The following RPH3A variants were observed in gnomAD, a reference collection of about 807,000 sequenced individuals.
RPH3A encodes rabphilin 3A.
A neutral mutation model predicts 102.2 loss-of-function variants in RPH3A; 48 were observed. The ratio of observed to expected loss-of-function variants is 0.47; its 90% CI spans 0.37 to 0.60. RPH3A has a LOEUF of 0.60. Among genes scored for constraint, RPH3A ranks in the 20% least tolerant of loss-of-function variants. RPH3A has a pLI of 0.00. For synonymous variants in RPH3A, 310 were observed against 324.3 expected, an observed-to-expected ratio of 0.96 and a Z score of 0.47; for missense variants, 781 against 910.1, an observed-to-expected ratio of 0.86 and a Z score of 1.83.
At chr12:112,693,085 A>G (rs998236003) in intron 1 of RPH3A, among the ~76,000 whole-genome samples, 1 of 152,238 alleles carries the variant, frequency 6.6e-6, no homozygotes, top group Admixed American at 6.5e-5. Flanking sequence ...CTCATTCAGA[A>G]AAAATAGAGC....
At chr12:112,612,150 C>T (rs1007318205) in intron 1 of RPH3A, among the ~76,000 whole-genome samples, 1 of 152,186 alleles carries the variant, frequency 6.6e-6, no homozygotes, top group African/African-American at 2.4e-5. Flanking sequence ...AACTCAGCCC[C>T]GCCTGTCAAA....
chr12:112,633,956 T>C (rs1390081091), intron 1 of RPH3A, among the ~76,000 whole-genome samples: 1 of 152,202 alleles, frequency 6.6e-6, no homozygotes, highest in African/African-American at 2.4e-5. Context: ...TGAGATGGCT[T>C]TCAAGTTCTA....
At chr12:112,875,046 T>TGA (rs1362448720) in intron 10 of RPH3A, 38 bp from the exon 11 acceptor site, 2 of 1,524,782 alleles carry the variant, frequency 1.3e-6, no homozygotes, top group Non-Finnish European at 1.8e-6. Flanking sequence ...TGTGTGTGTG[T>TGA]GACACATAAT....
At chr12:112,713,029 T>G (rs35477920) in intron 1 of RPH3A, among the ~76,000 whole-genome samples, 4 of 69,164 alleles carry the variant, frequency 5.8e-5, no homozygotes, top group Middle Eastern at 5.6e-3. Context: ...CTTCCTCTTC[T>G]TCTTCTTCTT....
intron 1 of RPH3A, among the ~76,000 whole-genome samples, chr12:112,662,245 C>T (rs777473351): frequency 1.1e-4 from 17 of 152,264 alleles, no homozygotes; most frequent in Admixed American, 7.9e-4. Flanking sequence ...GTTTCCCTGG[C>T]GTGTCTCCCA....
At chr12:112,881,080 A>G (rs1324167603) in intron 14 of RPH3A, among the ~76,000 whole-genome samples, 1 of 152,164 alleles carries the variant, frequency 6.6e-6, no homozygotes, top group Non-Finnish European at 1.5e-5. Flanking sequence ...CCAATTGTGC[A>G]TGGTATAAGT....
At chr12:112,766,773 G>A (rs1410675028) in intron 1 of RPH3A, among the ~76,000 whole-genome samples, 1 of 152,148 alleles carries the variant, frequency 6.6e-6, no homozygotes. Flanking sequence ...GGGATCCAAG[G>A]GGATGAGTCT....
chr12:112,759,650 C>T (rs1441483054), intron 1 of RPH3A, among the ~76,000 whole-genome samples: 2 of 152,176 alleles, frequency 1.3e-5, no homozygotes, highest in Non-Finnish European at 2.9e-5. Context: ...TGGTCCCTAA[C>T]TCCAAAAGGT....
chr12:112,830,088 T>C (rs1227744708), intron 3 of RPH3A, among the ~76,000 whole-genome samples: 5 of 152,196 alleles, frequency 3.3e-5, no homozygotes, highest in Admixed American at 3.3e-4. Context: ...CTTAAGTGTA[T>C]TCTATAACTT....
In RPH3A at chr12:112,595,456, A is replaced by G. The variant is rs146298157; in HGVS notation, c.-140+20137A>G. Reference sequence around the variant, plus strand: ...GCAAAATATTTCCCTTAGCTGAGATACTCCATTTTTGAATGTTTGACTACT... The same window carrying G: ...GCAAAATATTTCCCTTAGCTGAGATGCTCCATTTTTGAATGTTTGACTACT... On this transcript the variant is annotated intron_variant, in intron 1 of 21. Transcript: ENST00000543106. 2.4e-4 allele frequency among the ~76,000 whole-genome samples: 36 copies of G among 152,108 alleles called. 1 individual carries two copies. The East Asian group carries it at 7.0e-3, about 29-fold the overall frequency.
chr12:112,609,173 T>C (rs1441946629), intron 1 of RPH3A, among the ~76,000 whole-genome samples: 1 of 152,176 alleles, frequency 6.6e-6, no homozygotes, highest in Non-Finnish European at 1.5e-5. Context: ...AGGGTTATCC[T>C]TGACTTATAC....
At chr12:112,756,298 C>T (rs149056516) in intron 1 of RPH3A, among the ~76,000 whole-genome samples, 102 of 152,176 alleles carry the variant, frequency 6.7e-4, no homozygotes, top group Non-Finnish European at 1.2e-3. Context: ...CCACAACCTC[C>T]GCCTCCCTGG....
chr12:112,785,819 G>A (rs1175221979), intron 1 of RPH3A, among the ~76,000 whole-genome samples: 1 of 152,166 alleles, frequency 6.6e-6, no homozygotes, highest in Non-Finnish European at 1.5e-5. Context: ...TCATTATGCC[G>A]TCTCTGCTGT....
At chr12:112,804,605 A>G (rs2136109418) in intron 2 of RPH3A, among the ~76,000 whole-genome samples, 1 of 152,284 alleles carries the variant, frequency 6.6e-6, no homozygotes, top group Non-Finnish European at 1.5e-5. Flanking sequence ...AACAGTTAGG[A>G]CTTCAGCACA....
chr12:112,714,655 A>G (rs2040502209), intron 1 of RPH3A, among the ~76,000 whole-genome samples: 1 of 152,184 alleles, frequency 6.6e-6, no homozygotes, highest in Non-Finnish European at 1.5e-5. Context: ...CCTGGGCAGT[A>G]AAGAGAGCCT....
chr12:112,739,268 CT>C (rs2040691050), intron 1 of RPH3A, among the ~76,000 whole-genome samples: 1 of 152,172 alleles, frequency 6.6e-6, no homozygotes, highest in South Asian at 2.1e-4. Context: ...GGAATTAGGT[CT>C]ATTTTTTTTG....
intron 1 of RPH3A, among the ~76,000 whole-genome samples, chr12:112,632,438 C>A (rs1188613497): frequency 1.3e-5 from 2 of 152,130 alleles, no homozygotes; most frequent in African/African-American, 4.8e-5. Flanking sequence ...TTTATAAGAG[C>A]AATTTCTCAC....
intron 3 of RPH3A, among the ~76,000 whole-genome samples, chr12:112,832,231 C>T (rs2041981959): frequency 6.6e-6 from 1 of 152,118 alleles, no homozygotes; most frequent in South Asian, 2.1e-4. Flanking sequence ...CCTGGCTATA[C>T]TCTGTCTTAG....
intron 1 of RPH3A, among the ~76,000 whole-genome samples, chr12:112,648,801 T>G (rs2039953581): frequency 1.3e-5 from 2 of 150,470 alleles, no homozygotes; most frequent in Admixed American, 1.3e-4. Context: ...TGGTGGTTGG[T>G]TTTTCCTTTA....
Sources: gnomAD v4.1 joint callset for allele counts (sites outside exome capture counted in the v4.1 genomes callset) on GRCh38, gnomAD v4.1.1 for gene constraint, MANE v1.5 for transcripts, NCBI Gene and HGNC (gene_info 2026-07-23, HGNC 2026-07-21) for gene names.